CABCOCO1: variants seen among roughly 807,000 people sequenced by gnomAD.
The protein encoded by CABCOCO1 is ciliary-associated calcium-binding coiled-coil protein 1.
A neutral mutation model predicts 35.7 loss-of-function variants in CABCOCO1; 28 were observed. The ratio of observed to expected loss-of-function variants is 0.78; its 90% CI spans 0.58 to 1.07. CABCOCO1 has a LOEUF of 1.07. Ranked by LOEUF, CABCOCO1 falls within the 50% of genes least tolerant of loss-of-function variation. The pLI, the probability that CABCOCO1 is intolerant of heterozygous loss-of-function variation, is 0.00. For synonymous variants in CABCOCO1, 95 were observed against 100.1 expected (o/e 0.95, Z 0.30); for missense variants, 326 against 309.2 (o/e 1.05, Z -0.41).
chr10:61,698,802 T>A (rs1179523535), intron 5 of CABCOCO1, among the ~76,000 whole-genome samples: 1 of 152,160 alleles, frequency 6.6e-6, no homozygotes, highest in African/African-American at 2.4e-5. Context: ...TATAAAGTTA[T>A]AGTGTCCTGA....
chr10:61,760,172 G>A lies in CABCOCO1; in HGVS notation c.666G>A (p.Thr222=), dbSNP rs187886388. 1.5e-4 allele frequency: 244 copies of A among 1,610,682 alleles called. No homozygotes were observed. The highest frequency in any genetic ancestry group is 9.4e-4 in the Admixed American group (56 of 59,846). The change falls in exon 6 of 8, where the codon ACG becomes ACA. Residue 222 remains threonine, a synonymous_variant. Coordinates refer to ENST00000648843, the MANE Select transcript of CABCOCO1 (RefSeq NM_001366906.2). ...TAGAGCCCCCCACAATATTGGATAC[G>A]GAAATGAAGGTATATTTCTTTTTGT... ...TFIEPPTILD[T]EMKRLDQEQG...
intron 5 of CABCOCO1, among the ~76,000 whole-genome samples, chr10:61,708,003 C>A (rs1199844201): frequency 6.6e-6 from 1 of 151,822 alleles, no homozygotes; most frequent in Non-Finnish European, 1.5e-5. Context: ...CATTGTTGTG[C>A]AGATAAACAA....
chr10:61,745,647 C>T (rs139418997), intron 5 of CABCOCO1, among the ~76,000 whole-genome samples: 3 of 152,276 alleles, frequency 2.0e-5, no homozygotes, highest in East Asian at 3.9e-4. Flanking sequence ...GCACATGGAA[C>T]GCACACAGAT....
At chr10:61,719,455 A>G (rs1840943926) in intron 5 of CABCOCO1, among the ~76,000 whole-genome samples, 1 of 152,112 alleles carries the variant, frequency 6.6e-6, no homozygotes, top group African/African-American at 2.4e-5. Context: ...ATTAAAAAAA[A>G]AAATCTAGAT....
chr10:61,764,258 T>C (rs945059105), intron 7 of CABCOCO1, among the ~76,000 whole-genome samples: 13 of 152,132 alleles, frequency 8.5e-5, no homozygotes, highest in Non-Finnish European at 1.6e-4. Flanking sequence ...TTCTTCCCAA[T>C]CCTTTGAAAT....
At chr10:61,762,898 C>A (rs1165448795) in intron 7 of CABCOCO1, among the ~76,000 whole-genome samples, 1 of 152,004 alleles carries the variant, frequency 6.6e-6, no homozygotes, top group Admixed American at 6.6e-5. Flanking sequence ...TGGTCAAATT[C>A]CAAGTTGGGT....
chr10:61,714,238 G>A lies in CABCOCO1; in HGVS notation c.552+23617G>A, dbSNP rs1840803713. 1.3e-5 allele frequency among the ~76,000 whole-genome samples: 2 copies of A among 152,058 alleles called. 1 individual carries two copies. Among genetic ancestry groups the A allele is most frequent in the Admixed American group, 1.3e-4 (2 of 15,264 alleles). On this transcript the variant is annotated intron_variant, in intron 5 of 7. Coordinates refer to ENST00000648843, the MANE Select transcript of CABCOCO1 (RefSeq NM_001366906.2). ...TCAACTTCTTCCTGGTTTAGTCTTG[G>A]GAGGGTCTATGTGTCCAGGAATATA...
intron 5 of CABCOCO1, among the ~76,000 whole-genome samples, chr10:61,731,736 G>GGAGGGAGGAAGGGAGGGAGGACA (rs1841306565): frequency 2.0e-5 from 3 of 147,748 alleles, no homozygotes; most frequent in Admixed American, 6.8e-5. Context: ...TGGAAGGGAG[G>GGAGGGAGGAAGGGAGGGAGGACA]GAGGGAGGAA....
intron 3 of CABCOCO1, among the ~76,000 whole-genome samples, chr10:61,681,967 T>C (rs1394046018): frequency 6.6e-6 from 1 of 152,210 alleles, no homozygotes; most frequent in Admixed American, 6.5e-5. Flanking sequence ...TCTTCGTACG[T>C]ATTTTTGAAA....
At chr10:61,726,370 G>A (rs999459398) in intron 5 of CABCOCO1, among the ~76,000 whole-genome samples, 12 of 151,854 alleles carry the variant, frequency 7.9e-5, no homozygotes, top group Admixed American at 6.6e-4. Context: ...CAAAATACCT[G>A]TATCATACTA....
intron 2 of CABCOCO1, 43 bp downstream of exon 2, chr10:61,672,778 G>A (rs546865592): frequency 3.4e-5 from 33 of 964,526 alleles, no homozygotes; most frequent in Non-Finnish European, 3.8e-5. Flanking sequence ...AGAACAGTTC[G>A]AGTTCTGCAT....
intron 2 of CABCOCO1, among the ~76,000 whole-genome samples, chr10:61,680,503 A>ATTATGTTATATATAACATATATG (rs1554821508): frequency 2.9e-5 from 4 of 137,074 alleles, no homozygotes; most frequent in African/African-American, 1.1e-4. Flanking sequence ...TATATGTTAT[A>ATTATGTTATATATAACATATATG]TTATGTTATA....
chr10:61,667,087 A>C (rs946235409), intron 1 of CABCOCO1, among the ~76,000 whole-genome samples: 7 of 143,114 alleles, frequency 4.9e-5, no homozygotes, highest in Middle Eastern at 3.6e-3. Flanking sequence ...ATTATATATA[A>C]ATTTCATATA....
intron 5 of CABCOCO1, among the ~76,000 whole-genome samples, chr10:61,738,622 T>C (rs1312494001): frequency 6.6e-6 from 1 of 152,216 alleles, no homozygotes; most frequent in Non-Finnish European, 1.5e-5. Context: ...TATTATAACA[T>C]ATTTTGTCTT....
chr10:61,749,735 G>A (rs1490842806), intron 5 of CABCOCO1, among the ~76,000 whole-genome samples: 1 of 152,168 alleles, frequency 6.6e-6, no homozygotes, highest in Admixed American at 6.5e-5. Flanking sequence ...TAGGTGCGTG[G>A]GTTTCAGAGT....
intron 5 of CABCOCO1, among the ~76,000 whole-genome samples, chr10:61,739,404 C>A (rs2132065069): frequency 6.6e-6 from 1 of 152,180 alleles, no homozygotes; most frequent in East Asian, 1.9e-4. Context: ...AATTTGAGTT[C>A]ATTTTTTAAA....
chr10:61,710,498 G>A (rs1840707966), intron 5 of CABCOCO1, among the ~76,000 whole-genome samples: 1 of 151,576 alleles, frequency 6.6e-6, no homozygotes, highest in African/African-American at 2.4e-5. Context: ...TGTTAATAAG[G>A]CATAAAATTT....
At chr10:61,745,861 C>G (rs1841644542) in intron 5 of CABCOCO1, among the ~76,000 whole-genome samples, 1 of 152,174 alleles carries the variant, frequency 6.6e-6, no homozygotes, top group Non-Finnish European at 1.5e-5. Flanking sequence ...GGAGATGTAA[C>G]AGTTGGGTTG....
intron 5 of CABCOCO1, among the ~76,000 whole-genome samples, chr10:61,703,622 A>T (rs1840519281): frequency 6.6e-6 from 1 of 152,032 alleles, no homozygotes; most frequent in Non-Finnish European, 1.5e-5. Context: ...ACCACCATTG[A>T]TGTGAACTAA....
Sources: allele counts gnomAD v4.1 joint callset (sites outside exome capture counted in the v4.1 genomes callset), GRCh38; gene constraint gnomAD v4.1.1; transcripts MANE v1.5; gene names NCBI Gene and HGNC (gene_info 2026-07-23, HGNC 2026-07-21).